The following PRDM16 variants were observed in gnomAD, a reference collection of about 807,000 sequenced individuals.
PRDM16 encodes PR/SET domain 16.
PRDM16 carries 23 observed loss-of-function variants against 110.6 expected under a neutral mutation model. That is an observed-to-expected ratio of 0.21 (90% CI 0.15 to 0.29). The LOEUF (loss-of-function observed/expected upper bound fraction) is 0.29. Ranked by LOEUF, PRDM16 falls within the 10% of genes least tolerant of loss-of-function variation. PRDM16 has a pLI of 1.00. For synonymous variants in PRDM16, 799 were observed against 781.8 expected (o/e 1.02, Z -0.37); for missense variants, 1,615 against 1,794.3 (o/e 0.90, Z 1.81).
chr1:3,268,507 C>T (rs2455120), intron 3 of PRDM16, among the ~76,000 whole-genome samples: 31,331 of 152,086 alleles, frequency 0.21, 4,205 homozygotes, highest in African/African-American at 0.35. Context: ...CTGCGAGGGG[C>T]GAGGCTCATG....
intron 3 of PRDM16, among the ~76,000 whole-genome samples, chr1:3,371,216 CCCA>C (rs1642901142): frequency 9.6e-6 from 1 of 103,834 alleles, no homozygotes; most frequent in African/African-American, 4.0e-5. Context: ...CACCCACCCA[CCCA>C]TCCACCCATC....
chr1:3,203,341 G>A (rs1255952769), intron 2 of PRDM16, among the ~76,000 whole-genome samples: 1 of 152,208 alleles, frequency 6.6e-6, no homozygotes, highest in Non-Finnish European at 1.5e-5. Flanking sequence ...CTCATTCTAT[G>A]TTTGTGTTCT....
intron 1 of PRDM16, among the ~76,000 whole-genome samples, chr1:3,149,575 G>A (rs1019494619): frequency 2.6e-5 from 4 of 152,228 alleles, no homozygotes; most frequent in Non-Finnish European, 5.9e-5. Context: ...GCTCCCAGCT[G>A]ACGGAGGCCA....
At chr1:3,310,513 C>T (rs78927923) in intron 3 of PRDM16, among the ~76,000 whole-genome samples, 9,040 of 152,224 alleles carry the variant, frequency 0.059, 354 homozygotes, top group Middle Eastern at 0.099. Context: ...GGGGTCTCAG[C>T]CAAGCTCCAC....
intron 3 of PRDM16, among the ~76,000 whole-genome samples, chr1:3,336,569 GGT>G (rs1557617920): frequency 3.3e-5 from 5 of 151,436 alleles, no homozygotes; most frequent in Non-Finnish European, 5.9e-5. Flanking sequence ...CATGTGTGTT[GGT>G]GTGAGTCTGA....
intron 3 of PRDM16, among the ~76,000 whole-genome samples, chr1:3,294,872 C>T (rs1304518737): frequency 1.3e-5 from 2 of 152,208 alleles, no homozygotes; most frequent in Non-Finnish European, 2.9e-5. Flanking sequence ...CAAACCAGAA[C>T]CAACCCCACG....
At chr1:3,360,968 A>G (rs1240322529) in intron 3 of PRDM16, among the ~76,000 whole-genome samples, 2 of 151,918 alleles carry the variant, frequency 1.3e-5, no homozygotes, top group African/African-American at 4.8e-5. Context: ...TGGCGGCCGG[A>G]GTCTATGCAC....
intron 2 of PRDM16, among the ~76,000 whole-genome samples, chr1:3,195,412 T>C (rs1334018491): frequency 6.6e-6 from 1 of 152,170 alleles, no homozygotes; most frequent in African/African-American, 2.4e-5. Context: ...TGGCTCTCCT[T>C]TACTTCCTTA....
In PRDM16 at chr1:3,142,729, A is replaced by G. The variant is rs1643576544; in HGVS notation, c.38-43396A>G. 4.6e-5 allele frequency among the ~76,000 whole-genome samples: 7 copies of G among 151,636 alleles called. No individual in the cohort carries two copies. In the South Asian group the frequency reaches 1.5e-3, roughly 32 times the overall value. Reference sequence around the variant, plus strand: ...GGGTAATTACCTGGATGTGGACCGTATTAACTGGAAGCCCAGATGTTTATA... The same window carrying G: ...GGGTAATTACCTGGATGTGGACCGTGTTAACTGGAAGCCCAGATGTTTATA... On this transcript the variant is annotated intron_variant, in intron 1 of 16. Coordinates refer to ENST00000270722, the MANE Select transcript of PRDM16 (RefSeq NM_022114.4).
Position 3,245,206 on chromosome 1 carries a change from G to A in PRDM16, c.438+1069G>A, listed in dbSNP as rs994990295. On this transcript the variant is annotated intron_variant, in intron 3 of 16. Coordinates refer to ENST00000270722, the MANE Select transcript of PRDM16 (RefSeq NM_022114.4). This position sits in a 1 kb window ranked among gnomAD's most constrained non-coding sequence, Gnocchi z 4.7. ...GCAGCATATGGGCTTGAGGGGTACTGGCAGCCTTGTGGTTAGGAAGCTGAG... is the reference window on the plus strand; with the variant it reads ...GCAGCATATGGGCTTGAGGGGTACTAGCAGCCTTGTGGTTAGGAAGCTGAG... Among the ~76,000 whole-genome samples, 3 of 152,150 alleles carry A rather than the reference G, an allele frequency of 2.0e-5. No homozygotes were observed. Among genetic ancestry groups the A allele is most frequent in the African/African-American group, 7.2e-5 (3 of 41,422 alleles).
intron 6 of PRDM16, 56 bp from the exon 7 acceptor site, chr1:3,404,683 C>T: frequency 1.2e-6 from 2 of 1,604,880 alleles, no homozygotes; most frequent in Admixed American, 1.7e-5. Context: ...TTGGGGTCCC[C>T]TCCCGGGCAG....
intron 3 of PRDM16, among the ~76,000 whole-genome samples, chr1:3,313,141 C>T (rs976105886): frequency 2.6e-5 from 4 of 152,242 alleles, no homozygotes; most frequent in Admixed American, 6.5e-5. Flanking sequence ...TGTCCTTCCT[C>T]GTGAGAGGAT....
intron 3 of PRDM16, among the ~76,000 whole-genome samples, chr1:3,324,160 G>C (rs1159322965): frequency 6.6e-6 from 1 of 152,076 alleles, no homozygotes; most frequent in Non-Finnish European, 1.5e-5. Flanking sequence ...GCCTCCAGGG[G>C]TCTCCGTCTC....
intron 1 of PRDM16, among the ~76,000 whole-genome samples, chr1:3,182,787 C>T (rs548507055): frequency 2.0e-5 from 3 of 152,178 alleles, no homozygotes; most frequent in Non-Finnish European, 2.9e-5. Context: ...AGGGCCTCTC[C>T]GTGAAGATCC....
In PRDM16 at chr1:3,114,694, A is replaced by G. The variant is rs984116020; in HGVS notation, c.37+45398A>G. ...CACATGCACACATGCACCCGGGTGC[A>G]CACACACACAGAGGGAAGGCACCCT... On this transcript the variant is annotated intron_variant, in intron 1 of 16. Coordinates refer to ENST00000270722, the MANE Select transcript of PRDM16 (RefSeq NM_022114.4). Among the ~76,000 whole-genome samples the G allele has an allele frequency of 5.3e-5, 8 of 152,280 alleles. No homozygotes were observed. In the East Asian group the frequency reaches 5.8e-4, roughly 11 times the overall value.
intron 3 of PRDM16, among the ~76,000 whole-genome samples, chr1:3,263,569 A>G (rs1640218104): frequency 6.6e-6 from 1 of 152,162 alleles, no homozygotes; most frequent in Non-Finnish European, 1.5e-5. Context: ...AGAGTCCCTG[A>G]GCTCTTCCAT....
chr1:3,173,444 A>G lies in PRDM16; in HGVS notation c.38-12681A>G, dbSNP rs553737420. Among the ~76,000 whole-genome samples, 3 of 152,372 alleles carry G rather than the reference A, an allele frequency of 2.0e-5. No individual in the cohort carries two copies. The East Asian group carries it at 5.8e-4, about 29-fold the overall frequency. ...TGCACGGATAAATAATCGTCTTAGA[A>G]TAATGCATCGGCTTTAGGTAGGGCC... On this transcript the variant is annotated intron_variant, in intron 1 of 16. Transcript: ENST00000270722.
In PRDM16 at chr1:3,358,266, G is replaced by C. The variant is rs1642647491; in HGVS notation, c.439-26886G>C. ...ATGAGACTCCCGGTTCTGCCTCCTG[G>C]GGACCCAGCCTGCCTGCTGGGGAAC... On this transcript the variant is annotated intron_variant, in intron 3 of 16. Coordinates refer to ENST00000270722, the MANE Select transcript of PRDM16 (RefSeq NM_022114.4). This position sits in a 1 kb window ranked among gnomAD's most constrained non-coding sequence, Gnocchi z 4.0. Among the ~76,000 whole-genome samples, 1 of 152,190 alleles carries C rather than the reference G, an allele frequency of 6.6e-6. No homozygotes were observed. The highest frequency in any genetic ancestry group is 1.5e-5 in the Non-Finnish European group (1 of 68,032).
intron 1 of PRDM16, among the ~76,000 whole-genome samples, chr1:3,181,152 A>G (rs78799605): frequency 0.063 from 8,844 of 140,060 alleles, 562 homozygotes; most frequent in East Asian, 0.2. Flanking sequence ...TTACACACGC[A>G]GTCTTACACG....
Sources: allele counts gnomAD v4.1 joint callset (sites outside exome capture counted in the v4.1 genomes callset), GRCh38; gene constraint gnomAD v4.1.1; non-coding constraint Gnocchi (gnomAD v3.1); transcripts MANE v1.5; gene names NCBI Gene and HGNC (gene_info 2026-07-23, HGNC 2026-07-21).